Variants in GRIA2 observed in about 807,000 individuals in gnomAD.
The protein encoded by GRIA2 is glutamate receptor 2.
In GRIA2, 14 loss-of-function variants were observed where a neutral mutation model predicts 97.3. The observed-to-expected ratio is 0.14, with a 90% CI of 0.10 to 0.23. The LOEUF (loss-of-function observed/expected upper bound fraction) is 0.23, where lower values mean the gene tolerates loss of function less well. GRIA2 is among the 10% of genes least tolerant of loss of function. The pLI, the probability that GRIA2 is intolerant of heterozygous loss-of-function variation, is 1.00. For synonymous variants in GRIA2, 412 were observed against 387.8 expected (o/e 1.06, Z -0.73); for missense variants, 558 against 1,069.8 (o/e 0.52, Z 6.67).
chr4:157,258,509 AGATAT>A (rs902555489), intron 2 of GRIA2, among the ~76,000 whole-genome samples: 8 of 152,096 alleles, frequency 5.3e-5, no homozygotes, highest in Admixed American at 1.3e-4. Context: ...TCTCCTGATA[AGATAT>A]ATCAATGACA....
At chr4:157,329,506 A>G (rs1001825583) in intron 6 of GRIA2, among the ~76,000 whole-genome samples, 9 of 151,918 alleles carry the variant, frequency 5.9e-5, no homozygotes, top group Non-Finnish European at 1.0e-4. Context: ...GGGAAATACT[A>G]ATTAAACAGT....
rs763348848 is a variant in GRIA2, at chr4:157,333,119, T to C, written c.1051-130T>C. 508 of 932,042 alleles carry C rather than the reference T, an allele frequency of 5.5e-4. 4 individuals are homozygous for C. The highest frequency in any genetic ancestry group is 6.5e-4 in the Admixed American group (23 of 35,600). 57.7% of individuals were successfully genotyped at this position (932,042 alleles called of 1,614,324 possible). ...ATGTTCTTTTCTAACAACACAAAGGTAGGTTGAAGAGAGAAACAAATATTA... is the reference window on the plus strand; with the variant it reads ...ATGTTCTTTTCTAACAACACAAAGGCAGGTTGAAGAGAGAAACAAATATTA... On this transcript the variant is annotated intron_variant, in intron 7 of 15. Transcript: ENST00000264426.
rs545195482 is a variant in GRIA2, at chr4:157,359,755, GA to G, written c.2044-134del. The G allele has an allele frequency of 4.0e-5, 28 of 699,584 alleles. 1 individual carries two copies. The highest frequency in any genetic ancestry group is 9.0e-5 in the Admixed American group (3 of 33,344). The allele number at this position is 699,584 out of a possible 1,614,324, so 43.3% of individuals were successfully genotyped here. A position where few individuals can be genotyped will look rare whatever the true frequency, so the allele number is the denominator to read the frequency against. ...ACAATTTCATAGAATTGTTATTAGT[GA>G]AAAAAATTGTTGAAAGATGAGATTT... On this transcript the variant is annotated intron_variant, in intron 12 of 15. Transcript: ENST00000264426.
chr4:157,307,136 G>C (rs1733879851), intron 3 of GRIA2, among the ~76,000 whole-genome samples: 2 of 152,040 alleles, frequency 1.3e-5, no homozygotes, highest in African/African-American at 4.8e-5. Context: ...CTGTTCTTTG[G>C]AATAGCATAG....
In GRIA2 at chr4:157,230,579, T is replaced by TTTCCTTCCTTCCTTCCTTCTTTCC. The variant is rs1561001419; in HGVS notation, c.229+8793_229+8794insTCCTTCCTTCCTTCCTTCCTTCTT. 2.1e-4 allele frequency among the ~76,000 whole-genome samples: 29 copies of TTTCCTTCCTTCCTTCCTTCTTTCC among 135,884 alleles called. 2 individuals are homozygous for TTTCCTTCCTTCCTTCCTTCTTTCC. Among genetic ancestry groups the TTTCCTTCCTTCCTTCCTTCTTTCC allele is most frequent in the Admixed American group, 3.8e-4 (5 of 13,268 alleles). The allele number at this position is 135,884 out of a possible 152,430, so 89.1% of individuals were successfully genotyped here. ...CCTTCTTTCCTTCCTTCCTTCCTTC[T>TTTCCTTCCTTCCTTCCTTCTTTCC]TTCCTTCCTTCCTTCCTTCTTCCTT... On this transcript the variant is annotated intron_variant, in intron 2 of 15. Transcript: ENST00000264426.
In GRIA2 at chr4:157,334,218, G is replaced by T. The variant is rs146721522; in HGVS notation, c.1266+98G>T. The T allele has an allele frequency of 6.6e-4, 454 of 687,592 alleles. 4 individuals carry two copies. The African/African-American group carries it at 7.6e-3, about 12-fold the overall frequency. 42.6% of individuals were successfully genotyped at this position (687,592 alleles called of 1,614,324 possible). ...ATTTTAGGAGAATAATATCTGTTTTGCTTCTTTTGCAATGTTTTAATCATT... is the reference window on the plus strand; with the variant it reads ...ATTTTAGGAGAATAATATCTGTTTTTCTTCTTTTGCAATGTTTTAATCATT... On this transcript the variant is annotated intron_variant, in intron 9 of 15. Transcript: ENST00000264426.
intron 2 of GRIA2, among the ~76,000 whole-genome samples, chr4:157,232,932 A>G (rs1029160788): frequency 6.6e-6 from 1 of 152,204 alleles, no homozygotes; most frequent in Non-Finnish European, 1.5e-5. Context: ...TAAAAGGGAA[A>G]CAGACATTAT....
chr4:157,281,443 C>T (rs1234881264), intron 2 of GRIA2, among the ~76,000 whole-genome samples: 1 of 151,980 alleles, frequency 6.6e-6, no homozygotes, highest in Admixed American at 6.6e-5. Context: ...TATTTGTATG[C>T]ATTTTAGTTC....
At position 157,363,545 on chromosome 4, in the gene GRIA2, C is replaced by A. The variant is rs1466998309; in HGVS notation, c.*114C>A. The A allele has an allele frequency of 1.6e-6, 2 of 1,235,848 alleles. No individual in the cohort carries two copies. The highest frequency in any genetic ancestry group is 2.0e-6 in the Non-Finnish European group (2 of 989,014). 76.6% of individuals were successfully genotyped at this position (1,235,848 alleles called of 1,614,324 possible). A position where few individuals can be genotyped will look rare whatever the true frequency, so the allele number is the denominator to read the frequency against. ...AATTTCCCAAAGCAGTGCATGCTGT[C>A]CCTTACGTGAGTCCTGGCATGGGAA... On this transcript the variant is annotated 3_prime_UTR_variant, in exon 16 of 16. Transcript: ENST00000264426.
intron 6 of GRIA2, among the ~76,000 whole-genome samples, chr4:157,322,493 C>G (rs2126908377): frequency 6.6e-6 from 1 of 152,232 alleles, no homozygotes; most frequent in African/African-American, 2.4e-5. Flanking sequence ...ATGAGATCTT[C>G]ACTTGTTTAT....
chr4:157,352,563 A>T (rs1182234584), intron 12 of GRIA2, among the ~76,000 whole-genome samples: 1 of 151,890 alleles, frequency 6.6e-6, no homozygotes, highest in African/African-American at 2.4e-5. Flanking sequence ...TAAAAATACA[A>T]AAAATAAATA....
intron 6 of GRIA2, among the ~76,000 whole-genome samples, chr4:157,331,906 A>C (rs1735063892): frequency 6.6e-6 from 1 of 152,068 alleles, no homozygotes; most frequent in South Asian, 2.1e-4. Flanking sequence ...TCAAGAATTT[A>C]GCATGTCACA....
rs570961946 is a variant in GRIA2, at chr4:157,262,127, T to C, written c.229+40320T>C. 2.0e-5 allele frequency among the ~76,000 whole-genome samples: 3 copies of C among 152,192 alleles called. No homozygotes were observed. In the East Asian group the frequency reaches 5.8e-4, roughly 30 times the overall value. Reference sequence around the variant, plus strand: ...AACTTTTTAATGACCAAAATTGTCTTCTATATTTTGGTCCTATTTTGGTGG... The same window carrying C: ...AACTTTTTAATGACCAAAATTGTCTCCTATATTTTGGTCCTATTTTGGTGG... On this transcript the variant is annotated intron_variant, in intron 2 of 15. Transcript: ENST00000264426.
At chr4:157,286,514 A>G (rs1415042403) in intron 2 of GRIA2, among the ~76,000 whole-genome samples, 1 of 151,490 alleles carries the variant, frequency 6.6e-6, no homozygotes, top group Non-Finnish European at 1.5e-5. Flanking sequence ...AGCTTTTACT[A>G]TACATTCTTT....
At chr4:157,238,755 A>G (rs1184504684) in intron 2 of GRIA2, among the ~76,000 whole-genome samples, 1 of 152,158 alleles carries the variant, frequency 6.6e-6, no homozygotes, top group Non-Finnish European at 1.5e-5. Flanking sequence ...GCGTTTAGTT[A>G]AGTAAATCAA....
chr4:157,317,991 T>A (rs1579358792), intron 5 of GRIA2, among the ~76,000 whole-genome samples: 1 of 152,064 alleles, frequency 6.6e-6, no homozygotes, highest in African/African-American at 2.4e-5. Flanking sequence ...ATAATAATAA[T>A]AAATATAGCT....
intron 2 of GRIA2, among the ~76,000 whole-genome samples, chr4:157,250,544 G>T (rs889759618): frequency 2.6e-5 from 4 of 152,052 alleles, no homozygotes; most frequent in Admixed American, 6.6e-5. Context: ...CCTAAATGGA[G>T]TCAAATGCAG....
At chr4:157,290,134 A>G (rs980947456) in intron 2 of GRIA2, among the ~76,000 whole-genome samples, 1 of 151,928 alleles carries the variant, frequency 6.6e-6, no homozygotes, top group Non-Finnish European at 1.5e-5. Context: ...AATCAGTCAT[A>G]CTGTCCTTTT....
At chr4:157,237,672 T>A (rs1730314607) in intron 2 of GRIA2, among the ~76,000 whole-genome samples, 1 of 152,116 alleles carries the variant, frequency 6.6e-6, no homozygotes, top group South Asian at 2.1e-4. Context: ...TAAAACTGTA[T>A]TACAAGCAAA....
Sources: gnomAD v4.1 joint callset for allele counts (sites outside exome capture counted in the v4.1 genomes callset) on GRCh38, gnomAD v4.1.1 for gene constraint, MANE v1.5 for transcripts, NCBI Gene and HGNC (gene_info 2026-07-23, HGNC 2026-07-21) for gene names.